Variants in PRLR observed in about 807,000 individuals in gnomAD.
PRLR encodes the protein prolactin receptor, also known as hPRL receptor.
In PRLR, 13 loss-of-function variants were observed where a neutral mutation model predicts 40.2. The observed-to-expected ratio is 0.32, with a 90% CI of 0.21 to 0.51. The LOEUF (loss-of-function observed/expected upper bound fraction) is 0.51, where lower values mean the gene tolerates loss of function less well. Ranked by LOEUF, PRLR falls within the 20% of genes least tolerant of loss-of-function variation. The pLI, the probability that PRLR is intolerant of heterozygous loss-of-function variation, is 0.97. For missense variants in PRLR, 656 were observed against 747.3 expected, an observed-to-expected ratio of 0.88 and a Z score of 1.42; for synonymous variants, 269 against 278.7, an observed-to-expected ratio of 0.97 and a Z score of 0.35.
intron 1 of PRLR, among the ~76,000 whole-genome samples, chr5:35,136,408 C>T (rs1439919553): frequency 2.0e-5 from 3 of 152,154 alleles, no homozygotes; most frequent in African/African-American, 4.8e-5. Context: ...GTCCTGTGTA[C>T]TGTAGGGTGC....
intron 5 of PRLR, among the ~76,000 whole-genome samples, chr5:35,080,624 G>T (rs1770445842): frequency 6.6e-6 from 1 of 152,182 alleles, no homozygotes; most frequent in Non-Finnish European, 1.5e-5. Context: ...CATTGTGGAA[G>T]TCAGTGTGGC....
chr5:35,213,395 G>A (rs1302346121), intron 1 of PRLR, among the ~76,000 whole-genome samples: 1 of 152,092 alleles, frequency 6.6e-6, no homozygotes, highest in Non-Finnish European at 1.5e-5. Context: ...TTATGCCTTT[G>A]ATTTCAAAGC....
At chr5:35,210,467 A>C (rs1561366839) in intron 1 of PRLR, among the ~76,000 whole-genome samples, 1 of 152,190 alleles carries the variant, frequency 6.6e-6, no homozygotes, top group Non-Finnish European at 1.5e-5. Context: ...TCTATAACTA[A>C]TCTCAGTAAA....
rs78995457 is a variant in PRLR, at chr5:35,152,205, A to C, written c.-105-34083T>G. ...CTCATTCACGTATGTAAGCTTTTGT[A>C]AACTGAATTCACTGGGGCATAGCAA... On this transcript the variant is annotated intron_variant, in intron 1 of 9. Coordinates refer to ENST00000618457, the MANE Select transcript of PRLR (RefSeq NM_000949.7). 8.7e-4 allele frequency among the ~76,000 whole-genome samples: 132 copies of C among 152,334 alleles called. 4 individuals are homozygous for C. In the East Asian group the frequency reaches 0.024, roughly 28 times the overall value.
intron 5 of PRLR, among the ~76,000 whole-genome samples, chr5:35,083,106 A>G (rs1375249415): frequency 3.4e-5 from 5 of 147,880 alleles, no homozygotes; most frequent in Admixed American, 3.4e-4. Context: ...CACACACCAC[A>G]CTTATATAAA....
chr5:35,070,190 G>A lies in PRLR; in HGVS notation c.619C>T (p.Arg207Cys), dbSNP rs1197065260. Residue 207 changes from arginine to cysteine, a missense_variant, in exon 7 of 10, where the codon CGC (arginine) becomes TGC (cysteine). Physicochemically the swap from Arg to Cys is radical, Grantham distance 180. Coordinates refer to ENST00000618457, the MANE Select transcript of PRLR (RefSeq NM_000949.7). ...HPGQKYLVQV[R>C]CKPDHGYWSA... ...CAGTATCCATGGTCTGGTTTGCAGCGAACCTGGACAAGGTATTTCTGTCCT... is the reference window on the plus strand; with the variant it reads ...CAGTATCCATGGTCTGGTTTGCAGCAAACCTGGACAAGGTATTTCTGTCCT... The A allele has an allele frequency of 3.7e-6, 6 of 1,614,018 alleles. No homozygotes were observed. The highest frequency in any genetic ancestry group is 5.1e-6 in the Non-Finnish European group (6 of 1,180,020).
chr5:35,140,985 G>A (rs1774007054), intron 1 of PRLR, among the ~76,000 whole-genome samples: 1 of 152,086 alleles, frequency 6.6e-6, no homozygotes, highest in Non-Finnish European at 1.5e-5. Context: ...TGGCCAATAA[G>A]ATTTAAATAA....
At chr5:35,054,643 G>C (rs1768632774), downstream of PRLR, among the ~76,000 whole-genome samples, 1 of 152,138 alleles carries the variant, frequency 6.6e-6, no homozygotes, top group Admixed American at 6.6e-5. Context: ...TATGCATAAA[G>C]CAGTGAAAAT....
intron 2 of PRLR, among the ~76,000 whole-genome samples, chr5:35,094,252 C>G (rs1771396770): frequency 6.6e-6 from 1 of 152,124 alleles, no homozygotes; most frequent in South Asian, 2.1e-4. Context: ...TACCTTTGAA[C>G]TTTATATAAA....
chr5:35,216,299 G>C (rs1776287159), intron 1 of PRLR, among the ~76,000 whole-genome samples: 1 of 51,252 alleles, frequency 2.0e-5, no homozygotes, highest in South Asian at 5.0e-4. Flanking sequence ...ACTATAGTGG[G>C]CTGAATGGTT....
exon 9 of PRLR, chr5:35,049,231 T>C (rs1365357602): frequency 1.4e-6 from 1 of 702,268 alleles, no homozygotes; most frequent in East Asian, 2.7e-5. Flanking sequence ...TGTCCTGTGG[T>C]TGGACAGAGG....
chr5:35,117,745 A>G (rs1484839085), intron 2 of PRLR, among the ~76,000 whole-genome samples: 1 of 152,228 alleles, frequency 6.6e-6, no homozygotes, highest in Non-Finnish European at 1.5e-5. Flanking sequence ...CATTGTCGAT[A>G]ATCTCTCAAT....
chr5:35,051,186 C>T (rs1368005019), downstream of PRLR, among the ~76,000 whole-genome samples: 1 of 152,214 alleles, frequency 6.6e-6, no homozygotes, highest in East Asian at 1.9e-4. Flanking sequence ...CCTTAGCCTT[C>T]CCACTAGACT....
chr5:35,190,341 AC>A (rs1775566569), intron 1 of PRLR, among the ~76,000 whole-genome samples: 1 of 152,162 alleles, frequency 6.6e-6, no homozygotes, highest in South Asian at 2.1e-4. Context: ...ATGGTGGCTC[AC>A]ACCTGTAATC....
intron 2 of PRLR, among the ~76,000 whole-genome samples, chr5:35,096,626 T>C (rs529875344): frequency 1.7e-5 from 2 of 120,716 alleles, no homozygotes; most frequent in African/African-American, 7.5e-5. Context: ...CTTTACTTTC[T>C]TTTTTTTTTT....
chr5:35,099,269 A>T (rs1271957002), intron 2 of PRLR, among the ~76,000 whole-genome samples: 1 of 152,188 alleles, frequency 6.6e-6, no homozygotes, highest in African/African-American at 2.4e-5. Flanking sequence ...TGTAGACTGC[A>T]TATATGGTGG....
chr5:35,193,306 G>A (rs1213091378), intron 1 of PRLR, among the ~76,000 whole-genome samples: 1 of 152,136 alleles, frequency 6.6e-6, no homozygotes, highest in Non-Finnish European at 1.5e-5. Context: ...TTTCCCTTAG[G>A]TAAGAAATTC....
chr5:35,132,904 G>A (rs1773731829), intron 1 of PRLR, among the ~76,000 whole-genome samples: 1 of 152,174 alleles, frequency 6.6e-6, no homozygotes, highest in South Asian at 2.1e-4. Context: ...GTGCTTCTGG[G>A]AGAAACACCC....
At chr5:35,198,300 C>T (rs528701710) in intron 1 of PRLR, among the ~76,000 whole-genome samples, 1 of 152,328 alleles carries the variant, frequency 6.6e-6, no homozygotes, top group African/African-American at 2.4e-5. Context: ...TTAGCAAAGT[C>T]ATCTTCCACT....
Sources: gnomAD v4.1 joint callset for allele counts (sites outside exome capture counted in the v4.1 genomes callset) on GRCh38, gnomAD v4.1.1 for gene constraint, MANE v1.5 for transcripts, NCBI Gene and HGNC (gene_info 2026-07-23, HGNC 2026-07-21) for gene names.